Variants in GSE1 observed in about 807,000 individuals in gnomAD.
GSE1 encodes genetic suppressor element 1.
In GSE1, 32 loss-of-function variants were observed where a neutral mutation model predicts 112.6. The ratio of observed to expected loss-of-function variants is 0.28; its 90% CI spans 0.21 to 0.38. The LOEUF is 0.38. GSE1 is among the 10% of genes least tolerant of loss of function. GSE1 has a pLI of 1.00. For missense variants in GSE1, 2,348 were observed against 1,699.2 expected, an observed-to-expected ratio of 1.38 and a Z score of -6.71; for synonymous variants, 1,115 against 735.6, an observed-to-expected ratio of 1.52 and a Z score of -8.35.
At chr16:85,422,047 C>T (rs757561433) in intron 2 of GSE1, among the ~76,000 whole-genome samples, 122 of 152,270 alleles carry the variant, frequency 8.0e-4, no homozygotes, top group Non-Finnish European at 1.3e-3. Context: ...GCCCCACGGC[C>T]CATGTACAGG....
chr16:85,393,288 C>A lies in GSE1; in HGVS notation c.2464+35645C>A, dbSNP rs539607075. On this transcript the variant is annotated intron_variant, in intron 2 of 2. Coordinates refer to the GSE1 transcript ENST00000637419. ...TGTCTCAAGAAAAGGGAGGCGGGGGCACAAAATATATGAACTTGAGGCTGT... is the reference window on the plus strand; with the variant it reads ...TGTCTCAAGAAAAGGGAGGCGGGGGAACAAAATATATGAACTTGAGGCTGT... 3.0e-4 allele frequency among the ~76,000 whole-genome samples: 46 copies of A among 152,278 alleles called. No individual in the cohort carries two copies. The South Asian group carries it at 9.3e-3, about 31-fold the overall frequency.
In GSE1 at chr16:85,648,124, A is replaced by G. The variant is rs530523831; in HGVS notation, c.227-428A>G. Among the ~76,000 whole-genome samples, 29 of 151,724 alleles carry G rather than the reference A, an allele frequency of 1.9e-4. 1 individual carries two copies. In the South Asian group the frequency reaches 4.4e-3, roughly 23 times the overall value. On this transcript the variant is annotated intron_variant, in intron 2 of 15. Transcript: ENST00000253458. ...TGGGATGTCCACAGGCCCTTGGTTC[A>G]TGACACCTCCTAGAAACACGTGTGT...
intron 3 of GSE1, among the ~76,000 whole-genome samples, chr16:85,649,104 G>A (rs1294930303): frequency 6.6e-6 from 1 of 152,036 alleles, no homozygotes; most frequent in Non-Finnish European, 1.5e-5. Context: ...CTTCTCCCTG[G>A]GTCGTCTGTG....
chr16:85,625,804 G>A (rs1337671151), intron 1 of GSE1, among the ~76,000 whole-genome samples: 1 of 152,180 alleles, frequency 6.6e-6, no homozygotes, highest in Non-Finnish European at 1.5e-5. Context: ...CTCATTGCGG[G>A]TGGCTCTACG....
intron 6 of GSE1, 94 bp downstream of exon 6, chr16:85,656,011 T>TTGGCCA (rs1317214229): frequency 1.0e-6 from 1 of 990,472 alleles, no homozygotes; most frequent in African/African-American, 1.6e-5. Context: ...ACTGGACTCC[T>TTGGCCA]TGGCCATGCC....
chr16:85,505,353 C>T (rs1364279382), intron 2 of GSE1, among the ~76,000 whole-genome samples: 3 of 152,214 alleles, frequency 2.0e-5, no homozygotes, highest in East Asian at 3.9e-4. Flanking sequence ...CCCGGGAGGC[C>T]TTCCACACAT....
chr16:85,239,465 G>T (rs1467759721), intron 1 of GSE1, among the ~76,000 whole-genome samples: 2 of 152,348 alleles, frequency 1.3e-5, no homozygotes, highest in East Asian at 3.9e-4. Flanking sequence ...AGAGCTCTGA[G>T]AAGGGACACT....
At chr16:85,417,666 C>G (rs991418921) in intron 2 of GSE1, among the ~76,000 whole-genome samples, 4 of 152,220 alleles carry the variant, frequency 2.6e-5, no homozygotes, top group African/African-American at 9.6e-5. Flanking sequence ...GGGCCCAAGG[C>G]CAGTGGGAGA....
chr16:85,477,622 G>C (rs972389425), intron 2 of GSE1, among the ~76,000 whole-genome samples: 4 of 150,464 alleles, frequency 2.7e-5, no homozygotes, highest in Admixed American at 2.6e-4. Flanking sequence ...GTGCAGTGGC[G>C]CGATCTCGGC....
intron 2 of GSE1, among the ~76,000 whole-genome samples, chr16:85,393,971 C>T (rs1290297766): frequency 6.6e-6 from 1 of 151,498 alleles, no homozygotes; most frequent in African/African-American, 2.4e-5. Context: ...CACCCTGGGG[C>T]CACGGTGGAG....
At chr16:85,600,926 A>G (rs1174116807) in intron 1 of GSE1, among the ~76,000 whole-genome samples, 1 of 152,128 alleles carries the variant, frequency 6.6e-6, no homozygotes, top group Non-Finnish European at 1.5e-5. Context: ...CCAACGGCTC[A>G]GCTCAGTGAG....
intron 2 of GSE1, among the ~76,000 whole-genome samples, chr16:85,447,073 C>T (rs962777300): frequency 2.0e-5 from 3 of 152,212 alleles, no homozygotes; most frequent in African/African-American, 7.2e-5. Flanking sequence ...TGAGCAGTGA[C>T]CCTGCTCGGG....
exon 1 of GSE1, chr16:85,171,318 T>C: frequency 4.1e-6 from 4 of 985,498 alleles, no homozygotes; most frequent in Non-Finnish European, 3.6e-6. Flanking sequence ...TCTGTGGGGC[T>C]GAGCTGGGCC....
intron 1 of GSE1, among the ~76,000 whole-genome samples, chr16:85,265,104 G>T (rs986991005): frequency 1.3e-5 from 2 of 152,228 alleles, no homozygotes; most frequent in Admixed American, 6.5e-5. Flanking sequence ...AATGGCGGGG[G>T]CCGCTTCCCT....
chr16:85,552,355 C>T (rs1304462480), upstream of GSE1, among the ~76,000 whole-genome samples: 1 of 55,948 alleles, frequency 1.8e-5, no homozygotes, highest in Non-Finnish European at 3.5e-5. Context: ...TTTTTTGAGA[C>T]GGAGTCTCGC....
At chr16:85,422,893 GC>G (rs1299977599) in intron 2 of GSE1, among the ~76,000 whole-genome samples, 4 of 152,174 alleles carry the variant, frequency 2.6e-5, no homozygotes, top group Non-Finnish European at 4.4e-5. Context: ...CAGGGGTGGG[GC>G]CGCACCCCGC....
rs567755051 is a variant in GSE1 at position 85,630,904 on chromosome 16, T to C, written c.8-3010T>C. Among the ~76,000 whole-genome samples, 4 of 152,212 alleles carry C rather than the reference T, an allele frequency of 2.6e-5. No individual in the cohort carries two copies. The East Asian group carries it at 7.7e-4, about 29-fold the overall frequency. On this transcript the variant is annotated intron_variant, in intron 1 of 15. Coordinates refer to ENST00000253458, the MANE Select transcript of GSE1 (RefSeq NM_014615.5). ...GAGGGGTGGGACACAGGCTGGGTGG[T>C]GGGTGACAGTTCAGCTGCTGTGGCC...
At position 85,657,584 on chromosome 16, in the gene GSE1, C is replaced by G; in HGVS notation, c.1620C>G (p.His540Gln). ...CCCCGGTGCCGGCGGAGGCAGAGCA[C>G]AGGCCGGAGAGCACCACCAGGTGAG... ...GRPPVPAEAEHRPESTTRPGP... is the reference protein window; with the variant it reads ...GRPPVPAEAEQRPESTTRPGP... Residue 540 changes from histidine to glutamine, a missense_variant, in exon 8 of 16, where the codon CAC becomes CAG. By Grantham distance (24) the His-to-Gln change is conservative. Transcript: ENST00000253458. 1 of 1,555,520 alleles carries G rather than the reference C, an allele frequency of 6.4e-7. No homozygotes were observed. The highest frequency in any genetic ancestry group is 1.2e-5 in the South Asian group (1 of 81,698).
intron 1 of GSE1, among the ~76,000 whole-genome samples, chr16:85,589,181 G>A (rs895471834): frequency 6.6e-6 from 1 of 152,194 alleles, no homozygotes; most frequent in African/African-American, 2.4e-5. Context: ...GGAGCTGAAA[G>A]GAACGTTGGT....
Sources: gnomAD v4.1 joint callset for allele counts (sites outside exome capture counted in the v4.1 genomes callset) on GRCh38, gnomAD v4.1.1 for gene constraint, MANE v1.5 for transcripts, NCBI Gene and HGNC (gene_info 2026-07-23, HGNC 2026-07-21) for gene names.